Variants in MERTK observed in about 807,000 individuals in gnomAD.
MERTK encodes MER proto-oncogene, tyrosine kinase, also known as tyrosine-protein kinase Mer.
Under a neutral mutation model 99.3 loss-of-function variants are expected in MERTK, and 69 were observed. That is an observed-to-expected ratio of 0.70 (90% CI 0.57 to 0.85). The LOEUF is 0.85. Ranked by LOEUF, MERTK falls within the 40% of genes least tolerant of loss-of-function variation. The pLI, the probability that MERTK is intolerant of heterozygous loss-of-function variation, is 0.00. For missense variants in MERTK, 1,125 were observed against 1,249.4 expected (o/e 0.90, Z 1.50); for synonymous variants, 426 against 467.6 (o/e 0.91, Z 1.15).
chr2:112,022,208 A>G, intron 17 of MERTK, 50 bp from the exon 18 acceptor site: 3 of 1,613,642 alleles, frequency 1.9e-6, no homozygotes, highest in Non-Finnish European at 2.5e-6. Flanking sequence ...AAGTCCATTC[A>G]GGCTTTGTGG....
At chr2:112,010,323 T>G (rs777188426) in intron 15 of MERTK, 17 of 411,566 alleles carry the variant, frequency 4.1e-5, no homozygotes, top group Non-Finnish European at 9.3e-6. Flanking sequence ...CCAACTTGAG[T>G]TGGGTGGCCC....
intron 4 of MERTK, among the ~76,000 whole-genome samples, chr2:111,964,409 A>G (rs868789360): frequency 1.1e-4 from 16 of 139,422 alleles, no homozygotes; most frequent in African/African-American, 4.0e-4. Context: ...GCGCGCGCGC[A>G]CGCGCATGTG....
At chr2:111,994,617 T>C (rs1676696997) in intron 9 of MERTK, 1 of 640,760 alleles carries the variant, frequency 1.6e-6, no homozygotes, top group Non-Finnish European at 2.8e-6. Flanking sequence ...AAAAAATATA[T>C]GTATTTTTAA....
chr2:111,966,823 C>G (rs964537509), intron 5 of MERTK, among the ~76,000 whole-genome samples: 2 of 152,134 alleles, frequency 1.3e-5, no homozygotes, highest in Non-Finnish European at 2.9e-5. Context: ...GTGTACTAAT[C>G]AAACCCAAAC....
chr2:111,996,960 G>A (rs1368060861), intron 9 of MERTK: 4 of 300,356 alleles, frequency 1.3e-5, no homozygotes, highest in Middle Eastern at 4.5e-4. Context: ...AACTACAGTA[G>A]AAGTAAATAT....
At chr2:111,925,292 A>ATATATTT (rs372747015) in intron 1 of MERTK, among the ~76,000 whole-genome samples, 6 of 24,498 alleles carry the variant, frequency 2.4e-4, no homozygotes, top group South Asian at 2.2e-3. Context: ...ATATATATAT[A>ATATATTT]TTTTTTTTTT....
At chr2:111,978,776 T>C (rs964250101) in intron 7 of MERTK, among the ~76,000 whole-genome samples, 2 of 152,254 alleles carry the variant, frequency 1.3e-5, no homozygotes, top group African/African-American at 4.8e-5. Context: ...TTGAGAATTT[T>C]ACAGTGTTGG....
intron 2 of MERTK, among the ~76,000 whole-genome samples, chr2:111,942,725 A>G (rs531230392): frequency 6.6e-6 from 1 of 152,314 alleles, no homozygotes; most frequent in Admixed American, 6.5e-5. Context: ...GGAAAGGGGA[A>G]GACAGAGCAT....
chr2:111,968,326 A>G, intron 6 of MERTK, 74 bp downstream of exon 6: 1 of 1,237,732 alleles, frequency 8.1e-7, no homozygotes, highest in African/African-American at 1.5e-5. Context: ...CTTCCTTCCA[A>G]GGATGGGCAT....
At chr2:111,987,924 T>C (rs1276138032) in intron 8 of MERTK, among the ~76,000 whole-genome samples, 1 of 152,110 alleles carries the variant, frequency 6.6e-6, no homozygotes, top group Non-Finnish European at 1.5e-5. Context: ...TTCAAAGGTA[T>C]AGATCTTGGA....
At chr2:111,944,041 A>G (rs1245057312) in intron 2 of MERTK, among the ~76,000 whole-genome samples, 3 of 151,904 alleles carry the variant, frequency 2.0e-5, no homozygotes, top group Non-Finnish European at 4.4e-5. Flanking sequence ...GCTCATGCCC[A>G]TAATCCTAGC....
At chr2:112,004,037 A>G (rs570493457) in intron 13 of MERTK, 53 bp downstream of exon 13, 2 of 1,472,306 alleles carry the variant, frequency 1.4e-6, no homozygotes, top group East Asian at 2.3e-5. Flanking sequence ...TTGCTTCAGT[A>G]TTGGGTGCTC....
intron 2 of MERTK, among the ~76,000 whole-genome samples, chr2:111,942,805 G>A (rs1684889311): frequency 6.6e-6 from 1 of 152,122 alleles, no homozygotes; most frequent in Admixed American, 6.5e-5. Context: ...GTTAACTCCT[G>A]GATCCTGGGA....
intron 9 of MERTK, among the ~76,000 whole-genome samples, chr2:111,995,716 A>G (rs1558800938): frequency 6.6e-6 from 1 of 152,168 alleles, no homozygotes; most frequent in Non-Finnish European, 1.5e-5. Flanking sequence ...TTGGGAGGCC[A>G]AGGCAGGCAG....
rs1435399818 is a variant in MERTK, at chr2:112,022,029, G to A, written c.2350-229G>A. On this transcript the variant is annotated intron_variant, in intron 17 of 18. Coordinates refer to ENST00000295408, the MANE Select transcript of MERTK (RefSeq NM_006343.3). ...GAGCACTAAGCAGATGTGTGACGAG[G>A]CTGTTTCTGCCTTTGCCAGATTTCC... Among the ~76,000 whole-genome samples, 4 of 152,174 alleles carry A rather than the reference G, an allele frequency of 2.6e-5. 1 individual carries two copies. The highest frequency in any genetic ancestry group is 4.8e-5 in the African/African-American group (2 of 41,422).
intron 1 of MERTK, among the ~76,000 whole-genome samples, chr2:111,925,701 C>T (rs1684552488): frequency 6.6e-6 from 1 of 152,064 alleles, no homozygotes; most frequent in African/African-American, 2.4e-5. Flanking sequence ...GGCCTTGCCC[C>T]TAACCAAGTT....
chr2:112,011,909 G>A (rs1274524513), intron 15 of MERTK, among the ~76,000 whole-genome samples: 1 of 152,194 alleles, frequency 6.6e-6, no homozygotes, highest in Non-Finnish European at 1.5e-5. Flanking sequence ...AGTGAGAGGA[G>A]AACAGGAGAC....
At position 112,029,517 on chromosome 2, in the gene MERTK, C is replaced by T. The variant is rs1326078840; in HGVS notation, c.*653C>T. On this transcript the variant is annotated 3_prime_UTR_variant, in exon 19 of 19. Coordinates refer to ENST00000295408, the MANE Select transcript of MERTK (RefSeq NM_006343.3). ...TTATAGAGATATGGAAAAACCACAC[C>T]AGGGTCTGTAGATAAGGAATAAAGA... The T allele has an allele frequency of 5.8e-6, 1 of 171,564 alleles. No homozygotes were observed. 10.6% of individuals were successfully genotyped at this position (171,564 alleles called of 1,614,324 possible). A position where few individuals can be genotyped will look rare whatever the true frequency, so the allele number is the denominator to read the frequency against.
rs1677534416 is a variant in MERTK at position 112,029,339 on chromosome 2, TG to T, written c.*477del. 1.1e-6 allele frequency: 1 copy of T among 941,340 alleles called. No individual in the cohort carries two copies. Among genetic ancestry groups the T allele is most frequent in the Non-Finnish European group, 1.3e-6 (1 of 789,126 alleles). The allele number at this position is 941,340 out of a possible 1,614,324, so 58.3% of individuals were successfully genotyped here. ...TGTATAACTGATTAATTTTCTGATA[TG>T]GCTTCCTAATAAAATATGAATAAGG... On this transcript the variant is annotated 3_prime_UTR_variant, in exon 19 of 19. Coordinates refer to ENST00000295408, the MANE Select transcript of MERTK (RefSeq NM_006343.3).
Sources: gnomAD v4.1 joint callset for allele counts (sites outside exome capture counted in the v4.1 genomes callset) on GRCh38, gnomAD v4.1.1 for gene constraint, MANE v1.5 for transcripts, NCBI Gene and HGNC (gene_info 2026-07-23, HGNC 2026-07-21) for gene names.